The following ZNF138 variants were observed in gnomAD, a reference collection of about 807,000 sequenced individuals.
ZNF138 encodes the protein zinc finger protein 138.
ZNF138 carries 33 observed loss-of-function variants against 33.0 expected under a neutral mutation model. The ratio of observed to expected loss-of-function variants is 1.00; its 90% CI spans 0.76 to 1.34. The LOEUF is 1.34. ZNF138 is among the 40% of genes most tolerant of loss of function. The probability of loss-of-function intolerance (pLI) is 0.00; values close to 1 mark genes in which losing one functional copy is unlikely to be tolerated. For synonymous variants in ZNF138, 139 were observed against 120.4 expected (o/e 1.15, Z -1.01); for missense variants, 360 against 370.8 (o/e 0.97, Z 0.24).
At chr7:64,804,947 G>A (rs567886807) in intron 1 of ZNF138, among the ~76,000 whole-genome samples, 2 of 152,212 alleles carry the variant, frequency 1.3e-5, no homozygotes, top group South Asian at 2.1e-4. Flanking sequence ...CGAGAGTAGC[G>A]GTGCACTTTG....
At chr7:64,825,235 C>T (rs538462916) in intron 3 of ZNF138, among the ~76,000 whole-genome samples, 12 of 131,470 alleles carry the variant, frequency 9.1e-5, no homozygotes, top group Admixed American at 7.9e-4. Flanking sequence ...TGCAGTGGCG[C>T]GATCTCGGCT....
At chr7:64,826,398 GC>G (rs1367502339) in intron 3 of ZNF138, among the ~76,000 whole-genome samples, 23 of 151,994 alleles carry the variant, frequency 1.5e-4, no homozygotes, top group Non-Finnish European at 2.9e-4. Flanking sequence ...TTCTGCCTTG[GC>G]CTCCCAAGTA....
chr7:64,807,093 C>T (rs1787663712), intron 1 of ZNF138, among the ~76,000 whole-genome samples: 1 of 152,232 alleles, frequency 6.6e-6, no homozygotes, highest in African/African-American at 2.4e-5. Flanking sequence ...GGACATGCTC[C>T]TGCTGCAGAT....
chr7:64,841,815 TAG>T, the ZNF138 span, among the ~76,000 whole-genome samples: 49 of 152,294 alleles, frequency 3.2e-4, no homozygotes, highest in Admixed American at 1.9e-3. Flanking sequence ...TGGTTTTAGT[TAG>T]AGAGTTTGCT....
chr7:64,832,205 A>AAG lies in ZNF138; in HGVS notation c.*3_*4insAG. On this transcript the variant is annotated 3_prime_UTR_variant, in exon 4 of 4. Transcript: ENST00000307355. ...GCAAAGCTTTTAACCTATCTTAACA[A>AAG]CTTACTGAACATAAGAAAATTTACA... is the stretch of plus-strand genomic sequence containing the variant. The AAG allele has an allele frequency of 6.2e-7, 1 of 1,603,242 alleles. No individual in the cohort carries two copies. The highest frequency in any genetic ancestry group is 8.5e-7 in the Non-Finnish European group (1 of 1,176,784).
chr7:64,852,480 T>C, the ZNF138 span: 3 of 1,583,782 alleles, frequency 1.9e-6, no homozygotes, highest in Non-Finnish European at 8.7e-7. Context: ...TCTATGATTC[T>C]GGCTGTGTGG....
intron 3 of ZNF138, among the ~76,000 whole-genome samples, chr7:64,819,969 A>T (rs1299352369): frequency 1.5e-5 from 2 of 136,746 alleles, no homozygotes; most frequent in East Asian, 2.2e-4. Context: ...GCTTTTTGGG[A>T]GATTTAGAGG....
chr7:64,834,890 C>T (rs191158168), downstream of ZNF138, among the ~76,000 whole-genome samples: 344 of 150,304 alleles, frequency 2.3e-3, no homozygotes, highest in Admixed American at 3.4e-3. Context: ...AAATGCAGTA[C>T]AGTTTGAAAG....
rs1235136540 is a variant in ZNF138, at chr7:64,808,890, C to A, written c.4-6028C>A. Among the ~76,000 whole-genome samples the A allele has an allele frequency of 4.1e-3, 570 of 138,864 alleles. 4 individuals carry two copies. Among genetic ancestry groups the A allele is most frequent in the African/African-American group, 0.014 (532 of 39,332 alleles). 91.1% of individuals were successfully genotyped at this position (138,864 alleles called of 152,430 possible). A position where few individuals can be genotyped will look rare whatever the true frequency, so the allele number is the denominator to read the frequency against. Reference sequence around the variant, plus strand: ...GACACAGCACATGTTTCAGAGAGCACAGGGTTGGGGGTAAGGTCACAGATC... The same window carrying A: ...GACACAGCACATGTTTCAGAGAGCAAAGGGTTGGGGGTAAGGTCACAGATC... On this transcript the variant is annotated intron_variant, in intron 1 of 3. Transcript: ENST00000307355.
At chr7:64,851,740 A>C in the ZNF138 span, among the ~76,000 whole-genome samples, 1 of 152,210 alleles carries the variant, frequency 6.6e-6, no homozygotes, top group Non-Finnish European at 1.5e-5. Context: ...TAATGGTATT[A>C]CTGTAAATGT....
At chr7:64,853,345 A>G in the ZNF138 span, 12 of 1,564,254 alleles carry the variant, frequency 7.7e-6, no homozygotes, top group Admixed American at 2.1e-4. Flanking sequence ...AAGGACTCCC[A>G]TGTAGATATG....
At chr7:64,807,327 T>C (rs1023864229) in intron 1 of ZNF138, among the ~76,000 whole-genome samples, 1 of 152,230 alleles carries the variant, frequency 6.6e-6, no homozygotes, top group African/African-American at 2.4e-5. Flanking sequence ...CTGGGCACTC[T>C]GTCCCTCTTT....
the ZNF138 span, among the ~76,000 whole-genome samples, chr7:64,846,248 C>G: frequency 1.3e-5 from 2 of 152,040 alleles, no homozygotes; most frequent in African/African-American, 4.8e-5. Context: ...TATGTAAGCT[C>G]TTTTTTGGTT....
chr7:64,798,778 C>A (rs1398619964), intron 1 of ZNF138, among the ~76,000 whole-genome samples: 476 of 115,732 alleles, frequency 4.1e-3, no homozygotes, highest in Middle Eastern at 0.01. Flanking sequence ...AACTCCGACT[C>A]AAAAAAAAAA....
intron 1 of ZNF138, among the ~76,000 whole-genome samples, chr7:64,803,128 G>C (rs2128987962): frequency 6.6e-6 from 1 of 152,128 alleles, no homozygotes; most frequent in South Asian, 2.1e-4. Context: ...ATTATATGTA[G>C]ATTTTTTTCT....
chr7:64,816,034 A>G (rs1393270348), intron 3 of ZNF138, among the ~76,000 whole-genome samples: 1 of 152,080 alleles, frequency 6.6e-6, no homozygotes, highest in Admixed American at 6.6e-5. Context: ...ATGTGTGAGT[A>G]GTGGTTTCTG....
the ZNF138 span, among the ~76,000 whole-genome samples, chr7:64,839,223 G>A: frequency 3.9e-5 from 6 of 152,342 alleles, no homozygotes; most frequent in East Asian, 7.7e-4. Context: ...TTGCGGCCAG[G>A]CAACTGTGCA....
the ZNF138 span, among the ~76,000 whole-genome samples, chr7:64,845,015 T>C: frequency 5.7e-4 from 87 of 152,284 alleles, no homozygotes; most frequent in African/African-American, 1.1e-3. Flanking sequence ...ATTTGTGAGA[T>C]TTTGGTGCAC....
intron 1 of ZNF138, 133 bp from the exon 2 acceptor site, chr7:64,814,785 A>T (rs1788472530): frequency 8.7e-7 from 1 of 1,149,940 alleles, no homozygotes; most frequent in Admixed American, 2.7e-5. Flanking sequence ...TTATTTTATG[A>T]ATAATTTCAG....
Sources: gnomAD v4.1 joint callset for allele counts (sites outside exome capture counted in the v4.1 genomes callset) on GRCh38, gnomAD v4.1.1 for gene constraint, MANE v1.5 for transcripts, NCBI Gene and HGNC (gene_info 2026-07-23, HGNC 2026-07-21) for gene names.